ULK4: variants seen among roughly 807,000 people sequenced by gnomAD.
The protein encoded by ULK4 is inactive serine/threonine-protein kinase ULK4.
A neutral mutation model predicts 160.6 loss-of-function variants in ULK4; 133 were observed. The ratio of observed to expected loss-of-function variants is 0.83; its 90% CI spans 0.72 to 0.96. ULK4 has a LOEUF of 0.96. Among genes scored for constraint, ULK4 ranks in the 40% least tolerant of loss-of-function variants. The pLI, the probability that ULK4 is intolerant of heterozygous loss-of-function variation, is 0.00. For missense variants in ULK4, 1,580 were observed against 1,499.5 expected, an observed-to-expected ratio of 1.05 and a Z score of -0.89; for synonymous variants, 534 against 539.8, an observed-to-expected ratio of 0.99 and a Z score of 0.15.
chr3:41,541,103 C>T (rs1304636126), intron 32 of ULK4, among the ~76,000 whole-genome samples: 1 of 152,098 alleles, frequency 6.6e-6, no homozygotes, highest in Non-Finnish European at 1.5e-5. Flanking sequence ...AAGTCTTTGC[C>T]CATGCCTATG....
rs557036344 is a variant in ULK4 at position 41,772,236 on chromosome 3, G to C, written c.2193+17425C>G. Among the ~76,000 whole-genome samples the C allele has an allele frequency of 7.4e-3, 1,130 of 152,198 alleles. 14 individuals carry two copies. Among genetic ancestry groups the C allele is most frequent in the Middle Eastern group, 0.031 (9 of 294 alleles). On this transcript the variant is annotated intron_variant, in intron 21 of 36. Transcript: ENST00000301831. ...CTATGATCAGAGCAGAACTGAAGGA[G>C]ATAGAGACACAAAAAACCCTTCAAA... is the stretch of plus-strand genomic sequence containing the variant.
intron 35 of ULK4, among the ~76,000 whole-genome samples, chr3:41,328,515 T>C (rs1385858663): frequency 1.3e-5 from 2 of 152,118 alleles, no homozygotes; most frequent in African/African-American, 4.8e-5. Flanking sequence ...GAGAGGTGAC[T>C]GCAACATACT....
intron 29 of ULK4, among the ~76,000 whole-genome samples, chr3:41,669,661 CATT>C (rs2035466678): frequency 6.6e-6 from 1 of 152,046 alleles, no homozygotes; most frequent in African/African-American, 2.4e-5. Context: ...GTCTTTGTAG[CATT>C]ATATATAATG....
intron 22 of ULK4, among the ~76,000 whole-genome samples, chr3:41,752,821 TC>T (rs1056639814): frequency 6.6e-6 from 1 of 152,254 alleles, no homozygotes; most frequent in Admixed American, 6.5e-5. Flanking sequence ...AAATGTTATC[TC>T]CCCCTTCCCC....
chr3:41,891,975 A>G (rs1400597975), intron 16 of ULK4, among the ~76,000 whole-genome samples: 3 of 152,340 alleles, frequency 2.0e-5, no homozygotes, highest in South Asian at 2.1e-4. Context: ...GCAAAGAAAC[A>G]GGAAAACTAT....
chr3:41,788,357 C>G (rs2125590720), intron 21 of ULK4, among the ~76,000 whole-genome samples: 1 of 152,226 alleles, frequency 6.6e-6, no homozygotes, highest in Middle Eastern at 3.4e-3. Context: ...AGCAGTGTTA[C>G]CTTCATCATG....
intron 24 of ULK4, 75 bp downstream of exon 24, chr3:41,715,372 G>A: frequency 6.2e-7 from 1 of 1,611,414 alleles, no homozygotes. Flanking sequence ...AATGTTTTGA[G>A]TTGAGGATTC....
intron 17 of ULK4, among the ~76,000 whole-genome samples, chr3:41,856,562 C>T (rs2888133): frequency 0.044 from 1,421 of 32,456 alleles, 53 homozygotes; most frequent in African/African-American, 0.2. Context: ...TATATATATA[C>T]ACATATATAT....
At chr3:41,891,985 T>G (rs1463019017) in intron 16 of ULK4, among the ~76,000 whole-genome samples, 4 of 152,180 alleles carry the variant, frequency 2.6e-5, no homozygotes, top group African/African-American at 9.6e-5. Context: ...AGGAAAACTA[T>G]GTTTTTAATT....
intron 35 of ULK4, among the ~76,000 whole-genome samples, chr3:41,279,569 G>A (rs577581606): frequency 2.7e-3 from 10 of 3,650 alleles, no homozygotes; most frequent in South Asian, 0.042. Context: ...AGAAAGGTCG[G>A]GTTACCCCCA....
intron 35 of ULK4, among the ~76,000 whole-genome samples, chr3:41,266,553 C>T (rs932575923): frequency 1.3e-5 from 2 of 152,062 alleles, no homozygotes; most frequent in East Asian, 1.9e-4. Flanking sequence ...GCTGCAAATA[C>T]GCTGGACTTT....
chr3:41,818,054 T>C (rs75451637), intron 19 of ULK4, among the ~76,000 whole-genome samples: 1,739 of 148,380 alleles, frequency 0.012, 40 homozygotes, highest in African/African-American at 0.04. Context: ...AACTCTTCCA[T>C]ACCGTTGGTG....
At chr3:41,611,792 G>C (rs1026996931) in intron 31 of ULK4, among the ~76,000 whole-genome samples, 1 of 152,212 alleles carries the variant, frequency 6.6e-6, no homozygotes, top group Non-Finnish European at 1.5e-5. Context: ...TGATTTTAAA[G>C]AGCATAAATT....
In ULK4 at chr3:41,954,654, C is replaced by G. The variant is rs370862872; in HGVS notation, c.106G>C (p.Asp36His). The change falls in exon 2 of 37, where the codon GAT (aspartate) becomes CAT (histidine). Residue 36 changes from aspartate to histidine, a missense_variant. Asp to His is a moderately conservative substitution (Grantham distance 81). Transcript: ENST00000301831. ...TINFVAILCT[D>H]KCKRPEITNW... ...GTTATTTCAGGCCTTTTGCACTTAT[C>G]AGTACAAAGAATGGCTACAAAATTG... The G allele has an allele frequency of 6.2e-6, 10 of 1,613,712 alleles. No individual in the cohort carries two copies. The African/African-American group carries it at 1.3e-4, about 22-fold the overall frequency.
At chr3:41,409,684 C>T (rs969198413) in intron 34 of ULK4, among the ~76,000 whole-genome samples, 3 of 152,084 alleles carry the variant, frequency 2.0e-5, no homozygotes, top group African/African-American at 4.8e-5. Context: ...CAAAGTGGCT[C>T]GCACCTGTAA....
intron 32 of ULK4, among the ~76,000 whole-genome samples, chr3:41,549,531 T>C (rs1489245634): frequency 1.3e-5 from 2 of 152,110 alleles, no homozygotes; most frequent in African/African-American, 4.8e-5. Context: ...AAAAAGCTTC[T>C]CTGATATATC....
At chr3:41,946,399 G>A (rs1473869994) in intron 2 of ULK4, among the ~76,000 whole-genome samples, 2 of 152,196 alleles carry the variant, frequency 1.3e-5, no homozygotes, top group Non-Finnish European at 2.9e-5. Context: ...ATGACATCTG[G>A]AGAGGGCAGG....
intron 31 of ULK4, among the ~76,000 whole-genome samples, chr3:41,591,027 C>T (rs879664675): frequency 6.6e-6 from 1 of 151,920 alleles, no homozygotes; most frequent in African/African-American, 2.4e-5. Flanking sequence ...TACACACACA[C>T]CCTCCACACA....
chr3:41,794,683 A>AAAAAAAAAAC (rs1559557491), intron 20 of ULK4, among the ~76,000 whole-genome samples: 1 of 126,802 alleles, frequency 7.9e-6, no homozygotes, highest in Non-Finnish European at 1.6e-5. Context: ...AAAAAAAAAA[A>AAAAAAAAAAC]AAACACAGAA....
Sources: allele counts gnomAD v4.1 joint callset (sites outside exome capture counted in the v4.1 genomes callset), GRCh38; gene constraint gnomAD v4.1.1; transcripts MANE v1.5; gene names NCBI Gene and HGNC (gene_info 2026-07-23, HGNC 2026-07-21).